The following KLK3 variants were observed in gnomAD, a reference collection of about 807,000 sequenced individuals.
KLK3 encodes the protein kallikrein related peptidase 3, also known as prostate-specific antigen.
In KLK3, 23 loss-of-function variants were observed where a neutral mutation model predicts 27.7. The ratio of observed to expected loss-of-function variants is 0.83; its 90% CI spans 0.60 to 1.17. KLK3 has a LOEUF of 1.17. Among genes scored for constraint, KLK3 ranks in the 50% most tolerant of loss-of-function variants. KLK3 has a pLI of 0.00. For missense variants in KLK3, 322 were observed against 338.1 expected (o/e 0.95, Z 0.37); for synonymous variants, 142 against 134.2 (o/e 1.06, Z -0.40).
Position 50,860,193 on chromosome 19 carries a change from G to A in KLK3, c.*66G>A, listed in dbSNP as rs1295427549. 8.1e-7 allele frequency: 1 copy of A among 1,241,730 alleles called. No homozygotes were observed. The highest frequency in any genetic ancestry group is 1.2e-6 in the Non-Finnish European group (1 of 861,966). The allele number at this position is 1,241,730 out of a possible 1,614,324, so 76.9% of individuals were successfully genotyped here. On this transcript the variant is annotated 3_prime_UTR_variant, in exon 5 of 5. Coordinates refer to ENST00000326003, the MANE Select transcript of KLK3 (RefSeq NM_001648.2). ...TGGAAATGACCAGGCCAAGACTCAA[G>A]CCTCCCCAGTTCTACTGACCTTTGT...
intron 2 of KLK3, among the ~76,000 whole-genome samples, chr19:50,857,162 CAAAAAAA>C (rs560911495): frequency 6.5e-5 from 3 of 46,416 alleles, no homozygotes; most frequent in Non-Finnish European, 8.3e-5. Flanking sequence ...GACTCCGCCT[CAAAAAAA>C]AAAAAAAAAA....
In KLK3 at chr19:50,858,083, C is replaced by T; in HGVS notation, c.261C>T (p.Gly87=). The T allele has an allele frequency of 6.2e-7, 1 of 1,613,998 alleles. No individual in the cohort carries two copies. The highest frequency in any genetic ancestry group is 8.5e-7 in the Non-Finnish European group (1 of 1,179,982). ...RHSLFHPEDT[G]QVFQVSHSFP... The stretch of plus-strand genomic sequence containing the variant: ...GCCTGTTTCATCCTGAAGACACAGG[C>T]CAGGTATTTCAGGTCAGCCACAGCT... The change falls in exon 3 of 5, where the codon GGC becomes GGT. Residue 87 remains glycine, a synonymous_variant. Transcript: ENST00000326003.
Position 50,858,195 on chromosome 19 carries a change from C to T in KLK3, c.373C>T (p.Arg125Cys), listed in dbSNP as rs61750343. ...CTCCAGCCACGACCTCATGCTGCTC[C>T]GCCTGTCAGAGCCTGCCGAGCTCAC... ...DDSSHDLMLL[R>C]LSEPAELTDA... The change falls in exon 3 of 5, where the codon CGC becomes TGC. Residue 125 changes from arginine to cysteine, a missense_variant. Arg to Cys is a radical substitution (Grantham distance 180). Coordinates refer to ENST00000326003, the MANE Select transcript of KLK3 (RefSeq NM_001648.2). 5.4e-4 allele frequency: 871 copies of T among 1,614,222 alleles called. 4 individuals carry two copies. The African/African-American group carries it at 9.5e-3, about 18-fold the overall frequency.
In KLK3 at chr19:50,858,116, C is replaced by T; in HGVS notation, c.294C>T (p.His98=). Residue 98 remains histidine, a synonymous_variant, in exon 3 of 5, where the codon CAC becomes CAT. Transcript: ENST00000326003. ...QVFQVSHSFP[H]PLYDMSLLKN... is the part of the protein sequence containing the mutation. Reference sequence around the variant, plus strand: ...TTCAGGTCAGCCACAGCTTCCCACACCCGCTCTACGATATGAGCCTCCTGA... The same window carrying T: ...TTCAGGTCAGCCACAGCTTCCCACATCCGCTCTACGATATGAGCCTCCTGA... The T allele has an allele frequency of 6.2e-7, 1 of 1,614,144 alleles. No homozygotes were observed. Among genetic ancestry groups the T allele is most frequent in the Non-Finnish European group, 8.5e-7 (1 of 1,180,006 alleles).
intron 2 of KLK3, chr19:50,856,776 C>T (rs938948511): frequency 2.1e-5 from 4 of 190,982 alleles, no homozygotes; most frequent in African/African-American, 9.5e-5. Context: ...CCCTGTATCT[C>T]TCTGCCAGGC....
intron 4 of KLK3, chr19:50,859,548 G>T: frequency 7.4e-6 from 12 of 1,613,330 alleles, no homozygotes; most frequent in Non-Finnish European, 1.0e-5. Flanking sequence ...TCTGATCACC[G>T]AACTGACCAT....
In KLK3 at chr19:50,858,216, C is replaced by A. The variant is rs2003783; in HGVS notation, c.394C>A (p.Leu132Ile). ...GCTCCGCCTGTCAGAGCCTGCCGAG[C>A]TCACGGATGCTGTGAAGGTCATGGA... ...MLLRLSEPAE[L>I]TDAVKVMDLP... The change falls in exon 3 of 5, where the codon CTC becomes ATC. Residue 132 changes from leucine to isoleucine, a missense_variant. Transcript: ENST00000326003. 139,139 of 1,614,118 alleles carry A rather than the reference C, an allele frequency of 0.086. 6,445 individuals carry two copies. The highest frequency in any genetic ancestry group is 0.14 in the African/African-American group (10,494 of 75,006).
At chr19:50,859,624 G>C (rs2090172033) in intron 4 of KLK3, 1 of 1,613,004 alleles carries the variant, frequency 6.2e-7, no homozygotes, top group Non-Finnish European at 8.5e-7. Context: ...TAGTCAGAGA[G>C]TAGTCCTGGA....
At position 50,856,326 on chromosome 19, in the gene KLK3, C is replaced by T. The variant is rs555200638; in HGVS notation, c.133C>T (p.Arg45Cys). 1.5e-5 allele frequency: 25 copies of T among 1,613,648 alleles called. No individual in the cohort carries two copies. The East Asian group carries it at 1.6e-4, about 10-fold the overall frequency. ...ACCCTGGCAGGTGCTTGTGGCCTCT[C>T]GTGGCAGGGCAGTCTGCGGCGGTGT... Reference protein sequence around the residue: ...SQPWQVLVASRGRAVCGGVLV... With the variant: ...SQPWQVLVASCGRAVCGGVLV... Residue 45 changes from arginine to cysteine, a missense_variant, in exon 2 of 5, where the codon CGT (arginine) becomes TGT (cysteine). Physicochemically the swap from Arg to Cys is radical, Grantham distance 180. Transcript: ENST00000326003.
At chr19:50,859,164 G>T (rs1445651193) in intron 4 of KLK3, among the ~76,000 whole-genome samples, 5 of 152,134 alleles carry the variant, frequency 3.3e-5, no homozygotes, top group African/African-American at 1.2e-4. Flanking sequence ...GTCAGGAGCA[G>T]AGAGGAGGTT....
chr19:50,858,125 C>G lies in KLK3; in HGVS notation c.303C>G (p.Tyr101Ter). 1.2e-6 allele frequency: 2 copies of G among 1,614,116 alleles called. No homozygotes were observed. The highest frequency in any genetic ancestry group is 8.5e-7 in the Non-Finnish European group (1 of 1,179,994). Residue 101 changes from tyrosine (Y) to a stop codon, truncating the protein, a stop_gained, in exon 3 of 5, where the codon TAC becomes TAG. Transcript: ENST00000326003. LOFTEE classifies it high-confidence loss of function. ...QVSHSFPHPL[Y>*]DMSLLKNRFL... ...GCCACAGCTTCCCACACCCGCTCTA[C>G]GATATGAGCCTCCTGAAGAATCGAT...
At chr19:50,857,969 G>A in intron 2 of KLK3, 60 bp from the exon 3 acceptor site, 1 of 1,527,048 alleles carries the variant, frequency 6.5e-7, no homozygotes, top group Non-Finnish European at 8.8e-7. Flanking sequence ...TTGCTCCTCT[G>A]TCCCTTCTCT....
At chr19:50,856,617 G>T (rs1315185595) in intron 2 of KLK3, 7 of 521,968 alleles carry the variant, frequency 1.3e-5, no homozygotes, top group Non-Finnish European at 2.0e-5. Context: ...TCTTTGTGTC[G>T]CTTTCATTAT....
At chr19:50,857,162 CAA>C (rs560911495) in intron 2 of KLK3, among the ~76,000 whole-genome samples, 25 of 46,410 alleles carry the variant, frequency 5.4e-4, no homozygotes, top group Admixed American at 4.6e-3. Context: ...GACTCCGCCT[CAA>C]AAAAAAAAAA....
Position 50,856,401 on chromosome 19 carries a change from T to A in KLK3, c.206+2T>A. On this transcript the variant is annotated splice_donor_variant, in intron 2 of 4. Coordinates refer to ENST00000326003, the MANE Select transcript of KLK3 (RefSeq NM_001648.2). LOFTEE classifies it high-confidence loss of function. Reference sequence around the variant, plus strand: ...CACAGCTGCCCACTGCATCAGGAAGTGAGTAGGGGCCTGGGGTCTGGGGAG... The same window carrying A: ...CACAGCTGCCCACTGCATCAGGAAGAGAGTAGGGGCCTGGGGTCTGGGGAG... The A allele has an allele frequency of 2.5e-6, 4 of 1,613,184 alleles. No individual in the cohort carries two copies. The highest frequency in any genetic ancestry group is 3.4e-6 in the Non-Finnish European group (4 of 1,179,656).
In KLK3 at chr19:50,858,560, G is replaced by A; in HGVS notation, c.595G>A (p.Ala199Thr). The A allele has an allele frequency of 6.2e-7, 1 of 1,614,214 alleles. No homozygotes were observed. The highest frequency in any genetic ancestry group is 8.5e-7 in the Non-Finnish European group (1 of 1,180,038). Residue 199 changes from alanine (A) to threonine (T), a missense_variant, in exon 4 of 5, where the codon GCT (alanine) becomes ACT (threonine). By Grantham distance (58) the Ala-to-Thr change is moderately conservative. Coordinates refer to ENST00000326003, the MANE Select transcript of KLK3 (RefSeq NM_001648.2). ...GAAGGTGACCAAGTTCATGCTGTGTGCTGGACGCTGGACAGGGGGCAAAAG... is the reference window on the plus strand; with the variant it reads ...GAAGGTGACCAAGTTCATGCTGTGTACTGGACGCTGGACAGGGGGCAAAAG... Reference protein sequence around the residue: ...PQKVTKFMLCAGRWTGGKSTC... With the variant: ...PQKVTKFMLCTGRWTGGKSTC...
rs745792138 is a variant in KLK3 at position 50,859,630 on chromosome 19, C to A, written c.631-342C>A. ...GGAGGTGTCTAGTCAGAGAGTAGTC[C>A]TGGAAGGTGGCCTCTGTGAGGAGCC... On this transcript the variant is annotated intron_variant, in intron 4 of 4. Coordinates refer to ENST00000326003, the MANE Select transcript of KLK3 (RefSeq NM_001648.2). The A allele has an allele frequency of 1.9e-6, 3 of 1,612,066 alleles. No homozygotes were observed. The African/African-American group carries it at 4.0e-5, about 22-fold the overall frequency.
chr19:50,860,113 G>T lies in KLK3; in HGVS notation c.772G>T (p.Val258Leu), dbSNP rs200006942. 4 of 1,613,450 alleles carry T rather than the reference G, an allele frequency of 2.5e-6. No individual in the cohort carries two copies. Among genetic ancestry groups the T allele is most frequent in the Admixed American group, 1.7e-5 (1 of 59,996 alleles). Residue 258 changes from valine (V) to leucine (L), a missense_variant, in exon 5 of 5, where the codon GTG (valine) becomes TTG (leucine). Physicochemically the swap from Val to Leu is conservative, Grantham distance 32. Transcript: ENST00000326003. Reference sequence around the variant, plus strand: ...CCGGAAGTGGATCAAGGACACCATCGTGGCCAACCCCTGAGCACCCCTATC... The same window carrying T: ...CCGGAAGTGGATCAAGGACACCATCTTGGCCAACCCCTGAGCACCCCTATC... ...HYRKWIKDTI[V>L]ANP
At position 50,858,230 on chromosome 19, in the gene KLK3, G is replaced by A. The variant is rs751359189; in HGVS notation, c.408G>A (p.Val136=). 15 of 1,614,098 alleles carry A rather than the reference G, an allele frequency of 9.3e-6. No individual in the cohort carries two copies. The highest frequency in any genetic ancestry group is 1.3e-5 in the Non-Finnish European group (15 of 1,180,060). Residue 136 remains valine, a synonymous_variant, in exon 3 of 5, where the codon GTG becomes GTA. Transcript: ENST00000326003. ...LSEPAELTDA[V]KVMDLPTQEP... ...AGCCTGCCGAGCTCACGGATGCTGT[G>A]AAGGTCATGGACCTGCCCACCCAGG...
Sources: allele counts gnomAD v4.1 joint callset (sites outside exome capture counted in the v4.1 genomes callset), GRCh38; gene constraint gnomAD v4.1.1; transcripts MANE v1.5; gene names NCBI Gene and HGNC (gene_info 2026-07-23, HGNC 2026-07-21).